Variants in PLEKHA5 observed in about 807,000 individuals in gnomAD.
PLEKHA5 encodes pleckstrin homology domain-containing family A member 5.
A neutral mutation model predicts 181.9 loss-of-function variants in PLEKHA5; 55 were observed. The observed-to-expected ratio is 0.30, with a 90% CI of 0.24 to 0.38. The LOEUF is 0.38. Ranked by LOEUF, PLEKHA5 falls within the 10% of genes least tolerant of loss-of-function variation. The pLI, the probability that PLEKHA5 is intolerant of heterozygous loss-of-function variation, is 1.00. For synonymous variants in PLEKHA5, 535 were observed against 529.4 expected (o/e 1.01, Z -0.15); for missense variants, 1,432 against 1,549.5 (o/e 0.92, Z 1.27).
At chr12:19,308,817 G>A (rs150361576) in intron 15 of PLEKHA5, among the ~76,000 whole-genome samples, 60 of 152,038 alleles carry the variant, frequency 3.9e-4, no homozygotes, top group African/African-American at 1.4e-3. Context: ...GAGGCCGAAG[G>A]GGGGCAGATC....
At chr12:19,212,310 A>G (rs1268348201) in intron 3 of PLEKHA5, among the ~76,000 whole-genome samples, 1 of 152,206 alleles carries the variant, frequency 6.6e-6, no homozygotes, top group Non-Finnish European at 1.5e-5. Context: ...TGGGGCAGCT[A>G]TCAACCAAAG....
rs540437741 is a variant in PLEKHA5 at position 19,277,429 on chromosome 12, A to C, written c.1313+2446A>C. 3.9e-5 allele frequency among the ~76,000 whole-genome samples: 6 copies of C among 152,306 alleles called. No individual in the cohort carries two copies. In the South Asian group the frequency reaches 1.0e-3, roughly 26 times the overall value. On this transcript the variant is annotated intron_variant, in intron 11 of 31. Transcript: ENST00000429027. ...TTATGAGTGTAATTAATATCAGTAA[A>C]GTCTTTCAGTGACTTCTTCCTTTTG... is the stretch of plus-strand genomic sequence containing the variant.
In PLEKHA5 at chr12:19,348,532, A is replaced by G; in HGVS notation, c.3019+13A>G. On this transcript the variant is annotated intron_variant, in intron 25 of 31. Transcript: ENST00000429027. The stretch of plus-strand genomic sequence containing the variant: ...TCAGTTGTTAAAGGTCAGCATTTGT[A>G]ATATGTTTTACCTCTTGGTTTTTGT... 6.4e-7 allele frequency: 1 copy of G among 1,555,842 alleles called. No homozygotes were observed.
intron 29 of PLEKHA5, among the ~76,000 whole-genome samples, chr12:19,364,007 A>G (rs10841216): frequency 0.51 from 77,933 of 152,080 alleles, 23,390 homozygotes; most frequent in Non-Finnish European, 0.69. Context: ...AACACAGTAT[A>G]TTAAAAATTG....
Position 19,243,612 on chromosome 12 carries a change from T to C in PLEKHA5, c.228-10328T>C, listed in dbSNP as rs550449985. 2.0e-5 allele frequency among the ~76,000 whole-genome samples: 3 copies of C among 152,290 alleles called. No individual in the cohort carries two copies. In the South Asian group the frequency reaches 6.2e-4, roughly 32 times the overall value. On this transcript the variant is annotated intron_variant, in intron 3 of 31. Transcript: ENST00000429027. ...TGATGAGAGGAGAAAGAATAGAAAT[T>C]AAAGGGTTAAGACCTTAAGGAGAAT... is the stretch of plus-strand genomic sequence containing the variant.
At chr12:19,301,192 T>C (rs550377237) in intron 15 of PLEKHA5, among the ~76,000 whole-genome samples, 1 of 152,264 alleles carries the variant, frequency 6.6e-6, no homozygotes, top group Admixed American at 6.5e-5. Context: ...AATAGATTTA[T>C]CCATGGCAAG....
intron 3 of PLEKHA5, among the ~76,000 whole-genome samples, chr12:19,247,905 A>C (rs931265183): frequency 7.3e-5 from 11 of 151,552 alleles, no homozygotes; most frequent in South Asian, 6.3e-4. Flanking sequence ...AAAAAAAATT[A>C]ACTTTTAATT....
Position 19,287,559 on chromosome 12 carries a change from G to T in PLEKHA5, c.1863+3G>T, listed in dbSNP as rs1484708197. ...CCCAGAGCCTCCAAGGGAAAACGGT[G>T]AGTAATATCTTTATTTACCATACCA... On this transcript the variant is annotated splice_donor_region_variant and intron_variant, in intron 13 of 31. Coordinates refer to ENST00000429027, the MANE Select transcript of PLEKHA5 (RefSeq NM_001256470.2). The T allele has an allele frequency of 6.6e-7, 1 of 1,507,002 alleles. No individual in the cohort carries two copies. Among genetic ancestry groups the T allele is most frequent in the Non-Finnish European group, 9.2e-7 (1 of 1,085,010 alleles). The allele number at this position is 1,507,002 out of a possible 1,614,324, so 93.4% of individuals were successfully genotyped here.
At chr12:19,261,693 C>G (rs1220185185) in intron 7 of PLEKHA5, among the ~76,000 whole-genome samples, 1 of 152,142 alleles carries the variant, frequency 6.6e-6, no homozygotes, top group Admixed American at 6.6e-5. Flanking sequence ...TCCTTCTTCT[C>G]TACTTTAAAC....
chr12:19,167,854 TCTA>T (rs1167081771), intron 3 of PLEKHA5, among the ~76,000 whole-genome samples: 1 of 152,138 alleles, frequency 6.6e-6, no homozygotes, highest in Non-Finnish European at 1.5e-5. Context: ...ATTTTCCTCT[TCTA>T]CTTGTCATTG....
chr12:19,234,615 C>T (rs2061132498), intron 3 of PLEKHA5, among the ~76,000 whole-genome samples: 1 of 152,168 alleles, frequency 6.6e-6, no homozygotes, highest in Non-Finnish European at 1.5e-5. Flanking sequence ...GCAGAACCAC[C>T]ATACCACTGT....
chr12:19,145,281 A>T (rs529602078), intron 3 of PLEKHA5, among the ~76,000 whole-genome samples: 1 of 152,238 alleles, frequency 6.6e-6, no homozygotes, highest in African/African-American at 2.4e-5. Context: ...AGTTATTATC[A>T]GTGGCAGTAT....
rs752524191 is a variant in PLEKHA5, at chr12:19,348,535, A to G, written c.3019+16A>G. Reference sequence around the variant, plus strand: ...GTTGTTAAAGGTCAGCATTTGTAATATGTTTTACCTCTTGGTTTTTGTTTT... The same window carrying G: ...GTTGTTAAAGGTCAGCATTTGTAATGTGTTTTACCTCTTGGTTTTTGTTTT... On this transcript the variant is annotated intron_variant, in intron 25 of 31. Coordinates refer to ENST00000429027, the MANE Select transcript of PLEKHA5 (RefSeq NM_001256470.2). The G allele has an allele frequency of 4.5e-6, 7 of 1,544,936 alleles. No individual in the cohort carries two copies. In the Admixed American group the frequency reaches 1.4e-4, roughly 31 times the overall value.
chr12:19,148,481 G>A (rs1361020154), intron 3 of PLEKHA5, among the ~76,000 whole-genome samples: 1 of 152,228 alleles, frequency 6.6e-6, no homozygotes, highest in Non-Finnish European at 1.5e-5. Flanking sequence ...AACACACTAC[G>A]TGTGGGCGAC....
intron 3 of PLEKHA5, among the ~76,000 whole-genome samples, chr12:19,227,186 G>A (rs550336195): frequency 6.6e-6 from 1 of 152,046 alleles, no homozygotes; most frequent in East Asian, 1.9e-4. Context: ...GGGGGTCACA[G>A]AATGTGATAG....
At chr12:19,330,684 A>G (rs544957282) in intron 20 of PLEKHA5, among the ~76,000 whole-genome samples, 2 of 152,326 alleles carry the variant, frequency 1.3e-5, no homozygotes, top group Admixed American at 6.5e-5. Context: ...TAAATCAGAC[A>G]TAAGTTTCTT....
At position 19,283,149 on chromosome 12, in the gene PLEKHA5, C is replaced by CAAAAAAA. The variant is rs34391812; in HGVS notation, c.1314-113_1314-107dup. On this transcript the variant is annotated intron_variant, in intron 11 of 31. Transcript: ENST00000429027. ...GCAACAGAGCGAGACTCTTGTCTCC[C>CAAAAAAA]AAAAAAAAAAAAAAAAAAAAAAAAT... 174 of 203,992 alleles carry CAAAAAAA rather than the reference C, an allele frequency of 8.5e-4. 1 individual carries two copies. Among genetic ancestry groups the CAAAAAAA allele is most frequent in the African/African-American group, 2.7e-3 (57 of 21,310 alleles). 12.6% of individuals were successfully genotyped at this position (203,992 alleles called of 1,614,324 possible).
At chr12:19,300,103 T>C (rs2081053292) in intron 15 of PLEKHA5, among the ~76,000 whole-genome samples, 1 of 152,226 alleles carries the variant, frequency 6.6e-6, no homozygotes, top group Non-Finnish European at 1.5e-5. Flanking sequence ...ATCCCACTTG[T>C]TTCACATACA....
At chr12:19,138,779 G>C (rs1170330203) in intron 3 of PLEKHA5, among the ~76,000 whole-genome samples, 1 of 152,074 alleles carries the variant, frequency 6.6e-6, no homozygotes, top group Non-Finnish European at 1.5e-5. Flanking sequence ...ATGTGAATAT[G>C]TGTGATGAGT....
Sources: allele counts gnomAD v4.1 joint callset (sites outside exome capture counted in the v4.1 genomes callset), GRCh38; gene constraint gnomAD v4.1.1; transcripts MANE v1.5; gene names NCBI Gene and HGNC (gene_info 2026-07-23, HGNC 2026-07-21).